The following SETDB1 variants were observed in gnomAD, a reference collection of about 807,000 sequenced individuals.
The protein encoded by SETDB1 is SET domain bifurcated histone lysine methyltransferase 1, also known as histone-lysine N-methyltransferase SETDB1.
A neutral mutation model predicts 137.4 loss-of-function variants in SETDB1; 31 were observed. The ratio of observed to expected loss-of-function variants is 0.23; its 90% CI spans 0.17 to 0.30. The LOEUF (loss-of-function observed/expected upper bound fraction) is 0.30, where lower values mean the gene tolerates loss of function less well. Among genes scored for constraint, SETDB1 ranks in the 10% least tolerant of loss-of-function variants. SETDB1 has a pLI of 1.00. For missense variants in SETDB1, 1,113 were observed against 1,631.5 expected (o/e 0.68, Z 5.47); for synonymous variants, 548 against 579.9 (o/e 0.95, Z 0.79).
chr1:150,928,687 A>G (rs770122225), intron 2 of SETDB1, among the ~76,000 whole-genome samples: 84 of 152,334 alleles, frequency 5.5e-4, no homozygotes, highest in Non-Finnish European at 1.1e-3. Context: ...ATATGTATAC[A>G]TGTGCCATGT....
intron 13 of SETDB1, 101 bp downstream of exon 13, chr1:150,951,191 C>T: frequency 1.5e-6 from 2 of 1,318,888 alleles, no homozygotes; most frequent in African/African-American, 1.5e-5. Context: ...TCCCCATCTT[C>T]CTTTACCTCC....
At chr1:150,948,758 T>G (rs1333135833) in intron 10 of SETDB1, among the ~76,000 whole-genome samples, 1 of 152,056 alleles carries the variant, frequency 6.6e-6, no homozygotes, top group Non-Finnish European at 1.5e-5. Flanking sequence ...AGTCTTGTTC[T>G]GTTGCCCAGG....
At chr1:150,959,985 A>G (rs756795203) in intron 15 of SETDB1, among the ~76,000 whole-genome samples, 3 of 152,014 alleles carry the variant, frequency 2.0e-5, no homozygotes, top group African/African-American at 4.8e-5. Context: ...AGGCAGGAGA[A>G]TCACTTGAAC....
Position 150,949,446 on chromosome 1 carries a change from T to C in SETDB1, c.1504T>C (p.Ser502Pro), listed in dbSNP as rs778708885. The change falls in exon 12 of 22, where the codon TCT becomes CCT. Residue 502 changes from serine (S) to proline (P), a missense_variant. Physicochemically the swap from Ser to Pro is moderately conservative, Grantham distance 74. This residue lies in a region of SETDB1 where 192 missense variants were observed against 198.1 expected (regional missense o/e 0.97). Coordinates refer to ENST00000692827, the MANE Select transcript of SETDB1 (RefSeq NM_001366418.1). ...GTCCTTTCGACCAGGATCTGTGGGC[T>C]CTGGTCATTCCTCCCCTACATCTCC... ...STSFRPGSVGSGHSSPTSPAL... is the reference protein window; with the variant it reads ...STSFRPGSVGPGHSSPTSPAL... 6.2e-7 allele frequency: 1 copy of C among 1,614,070 alleles called. No individual in the cohort carries two copies. Among genetic ancestry groups the C allele is most frequent in the Non-Finnish European group, 8.5e-7 (1 of 1,179,940 alleles).
At chr1:150,928,741 C>T (rs998657594) in intron 2 of SETDB1, among the ~76,000 whole-genome samples, 1 of 152,094 alleles carries the variant, frequency 6.6e-6, no homozygotes, top group African/African-American at 2.4e-5. Context: ...CTATCCCTCC[C>T]CCTTCCCCCC....
In SETDB1 at chr1:150,943,989, G is replaced by A. The variant is rs867317240; in HGVS notation, c.945G>A (p.Arg315=). The change falls in exon 8 of 22, where the codon CGG becomes CGA. Residue 315 remains arginine, a synonymous_variant. Coordinates refer to ENST00000692827, the MANE Select transcript of SETDB1 (RefSeq NM_001366418.1). ...AGTCGGAACTGTATCCCATTTGCCG[G>A]CCACGTGAGTGTTTCTCCCTTATTC... The part of the protein sequence containing the change: ...VTQSELYPIC[R]PLKKTWEDIE... 3 of 1,608,216 alleles carry A rather than the reference G, an allele frequency of 1.9e-6. 1 individual carries two copies. In the African/African-American group the frequency reaches 4.0e-5, roughly 21 times the overall value.
At chr1:150,958,274 CAG>C (rs1245260514) in intron 14 of SETDB1, among the ~76,000 whole-genome samples, 1 of 103,600 alleles carries the variant, frequency 9.7e-6, no homozygotes, top group Non-Finnish European at 1.8e-5. Flanking sequence ...TTTTTTGTGA[CAG>C]AGTCTCACCC....
intron 3 of SETDB1, 24 bp from the exon 4 acceptor site, chr1:150,939,916 C>G: frequency 1.3e-6 from 2 of 1,598,048 alleles, no homozygotes. Context: ...CTCTGACACT[C>G]ATTAGAGTTC....
At position 150,950,323 on chromosome 1, in the gene SETDB1, C is replaced by G. The variant is rs995459279; in HGVS notation, c.1584-135C>G. 6 of 768,148 alleles carry G rather than the reference C, an allele frequency of 7.8e-6. No homozygotes were observed. In the African/African-American group the frequency reaches 8.7e-5, roughly 11 times the overall value. 47.6% of individuals were successfully genotyped at this position (768,148 alleles called of 1,614,324 possible). A position where few individuals can be genotyped will look rare whatever the true frequency, so the allele number is the denominator to read the frequency against. ...CAGGTTTGGTAGGGCAAGGGAAGAT[C>G]TTTCTTGAATCATCTTTAGCTTCAG... is the stretch of plus-strand genomic sequence containing the variant. On this transcript the variant is annotated intron_variant, in intron 12 of 21. Coordinates refer to ENST00000692827, the MANE Select transcript of SETDB1 (RefSeq NM_001366418.1).
chr1:150,956,642 A>G (rs981270424), intron 14 of SETDB1, among the ~76,000 whole-genome samples: 2 of 152,168 alleles, frequency 1.3e-5, no homozygotes, highest in Non-Finnish European at 2.9e-5. Context: ...TGAGTTTGTA[A>G]AATTCATTGA....
chr1:150,962,166 C>G lies in SETDB1; in HGVS notation c.3161+8C>G. The stretch of plus-strand genomic sequence containing the variant: ...CCGAAACAAGATGTCAGTGTAAGTG[C>G]CTTTTGTTTTGTTTTGTTTTGAGAC... On this transcript the variant is annotated splice_region_variant and intron_variant, in intron 17 of 21. Coordinates refer to ENST00000692827, the MANE Select transcript of SETDB1 (RefSeq NM_001366418.1). The G allele has an allele frequency of 6.2e-7, 1 of 1,613,504 alleles. No individual in the cohort carries two copies. Among genetic ancestry groups the G allele is most frequent in the South Asian group, 1.1e-5 (1 of 91,060 alleles).
intron 14 of SETDB1, among the ~76,000 whole-genome samples, chr1:150,957,116 C>CA (rs1268658002): frequency 0.081 from 10,717 of 131,916 alleles, 1,317 homozygotes; most frequent in African/African-American, 0.27. Flanking sequence ...GACCATGACT[C>CA]AAAAAAAAAA....
At chr1:150,941,665 T>G (rs1030392016) in intron 5 of SETDB1, among the ~76,000 whole-genome samples, 2 of 152,082 alleles carry the variant, frequency 1.3e-5, no homozygotes. Flanking sequence ...AGGTGGAGAT[T>G]AGGGAGAAGA....
chr1:150,942,760 C>G (rs1012697439), intron 6 of SETDB1, 72 bp downstream of exon 6: 4 of 1,596,656 alleles, frequency 2.5e-6, no homozygotes, highest in Non-Finnish European at 3.4e-6. Context: ...TTTCTTTTCC[C>G]CATAACCTTC....
At position 150,964,528 on chromosome 1, in the gene SETDB1, C is replaced by G; in HGVS notation, c.*164C>G. 1 of 709,268 alleles carries G rather than the reference C, an allele frequency of 1.4e-6. No homozygotes were observed. The highest frequency in any genetic ancestry group is 2.6e-6 in the Non-Finnish European group (1 of 389,878). 43.9% of individuals were successfully genotyped at this position (709,268 alleles called of 1,614,324 possible). On this transcript the variant is annotated 3_prime_UTR_variant, in exon 22 of 22. Transcript: ENST00000692827. ...CCAGATGATCCCTTCCAATGTGGTG[C>G]TAGCAGGCAGGATCCCTTCTCCACC... is the stretch of plus-strand genomic sequence containing the variant.
intron 17 of SETDB1, 70 bp from the exon 18 acceptor site, chr1:150,962,517 C>T (rs889114542): frequency 2.6e-6 from 4 of 1,537,382 alleles, no homozygotes; most frequent in African/African-American, 2.7e-5. Flanking sequence ...TCTGCCTTCT[C>T]TCAAACCTAG....
chr1:150,963,723 C>G lies in SETDB1; in HGVS notation c.3654C>G (p.Asn1218Lys). The G allele has an allele frequency of 6.2e-7, 1 of 1,614,092 alleles. No homozygotes were observed. The highest frequency in any genetic ancestry group is 8.5e-7 in the Non-Finnish European group (1 of 1,179,978). Residue 1218 changes from asparagine to lysine, a missense_variant, in exon 20 of 22, where the codon AAC becomes AAG. By Grantham distance (94) the Asn-to-Lys change is moderately conservative (BLOSUM62 0). This residue lies in a region of SETDB1 where 37 missense variants were observed against 123.2 expected (regional missense o/e 0.30). Transcript: ENST00000692827. ...TCATTGATGCCAAGCTTGAAGGCAA[C>G]CTGGGCCGCTACCTCAACGTGAGAC... Reference protein sequence around the residue: ...CYIIDAKLEGNLGRYLNHSCS... With the variant: ...CYIIDAKLEGKLGRYLNHSCS...
At chr1:150,945,397 A>G (rs1670293614) in intron 9 of SETDB1, 1 of 946,308 alleles carries the variant, frequency 1.1e-6, no homozygotes, top group Non-Finnish European at 1.5e-6. Context: ...AGGGCAGCCA[A>G]TTCCATTTTT....
chr1:150,948,269 A>C (rs1268969231), intron 10 of SETDB1, among the ~76,000 whole-genome samples: 2 of 133,720 alleles, frequency 1.5e-5, no homozygotes, highest in South Asian at 2.8e-4. Flanking sequence ...ACAGAGTAGC[A>C]ATTTTTTTTT....
Sources: allele counts gnomAD v4.1 joint callset (sites outside exome capture counted in the v4.1 genomes callset), GRCh38; gene constraint gnomAD v4.1.1; regional missense constraint gnomAD v4.1.1; transcripts MANE v1.5; gene names NCBI Gene and HGNC (gene_info 2026-07-23, HGNC 2026-07-21).